The following SLC1A6 variants were observed in gnomAD, a reference collection of about 807,000 sequenced individuals.
SLC1A6 encodes the protein excitatory amino acid transporter 4.
In SLC1A6, 15 loss-of-function variants were observed where a neutral mutation model predicts 42.1. The observed-to-expected ratio is 0.36, with a 90% CI of 0.24 to 0.55. The LOEUF (loss-of-function observed/expected upper bound fraction) is 0.55. SLC1A6 is among the 20% of genes least tolerant of loss of function. SLC1A6 has a pLI of 0.88. For synonymous variants in SLC1A6, 317 were observed against 319.7 expected, an observed-to-expected ratio of 0.99 and a Z score of 0.09; for missense variants, 542 against 772.5, an observed-to-expected ratio of 0.70 and a Z score of 3.54.
intron 1 of SLC1A6, among the ~76,000 whole-genome samples, chr19:14,988,753 G>A (rs1224467970): frequency 4.6e-5 from 7 of 152,142 alleles, no homozygotes; most frequent in Non-Finnish European, 8.8e-5. Context: ...GGTGGCTCAC[G>A]CCTGTAATCC....
intron 4 of SLC1A6, among the ~76,000 whole-genome samples, chr19:14,966,951 G>A (rs929447743): frequency 8.6e-5 from 13 of 151,966 alleles, no homozygotes; most frequent in African/African-American, 1.2e-4. Flanking sequence ...CCTAGATGAC[G>A]GGTTGATAGG....
chr19:14,955,136 C>A (rs975685645), intron 7 of SLC1A6, among the ~76,000 whole-genome samples: 2 of 152,138 alleles, frequency 1.3e-5, no homozygotes, highest in East Asian at 3.8e-4. Flanking sequence ...TTACATCATA[C>A]GGTTGGAATC....
chr19:14,993,669 A>G (rs1275079546), intron 1 of SLC1A6, among the ~76,000 whole-genome samples: 1 of 152,204 alleles, frequency 6.6e-6, no homozygotes, highest in Non-Finnish European at 1.5e-5. Context: ...AGGCAGATGT[A>G]TTAAAGAAAG....
At chr19:14,990,731 T>G (rs2045815460) in intron 1 of SLC1A6, among the ~76,000 whole-genome samples, 1 of 150,302 alleles carries the variant, frequency 6.7e-6, no homozygotes, top group Non-Finnish European at 1.5e-5. Flanking sequence ...ATCATACCAC[T>G]GCACTCCAGC....
upstream of SLC1A6, among the ~76,000 whole-genome samples, chr19:14,983,544 C>T (rs1197506802): frequency 6.6e-6 from 1 of 151,590 alleles, no homozygotes; most frequent in Non-Finnish European, 1.5e-5. Context: ...TTAAAATGAG[C>T]CAGGTATGGG....
intron 3 of SLC1A6, 107 bp downstream of exon 3, chr19:14,971,630 G>C: frequency 9.1e-7 from 1 of 1,103,064 alleles, no homozygotes; most frequent in South Asian, 1.5e-5. Context: ...CATGTTTGAG[G>C]TGCCGCGTCA....
At chr19:15,006,059 C>T (rs2145245552) in intron 1 of SLC1A6, among the ~76,000 whole-genome samples, 1 of 152,356 alleles carries the variant, frequency 6.6e-6, no homozygotes. Context: ...GTGAAACCCT[C>T]TCTGGACCTC....
At chr19:15,010,408 G>A in intron 1 of SLC1A6, 1 of 444,816 alleles carries the variant, frequency 2.2e-6, no homozygotes, top group Non-Finnish European at 4.5e-6. Flanking sequence ...CCCTGAAGCT[G>A]AAAGAAGGGC....
At chr19:14,950,767 C>T (rs951679005) in intron 9 of SLC1A6, among the ~76,000 whole-genome samples, 4 of 151,780 alleles carry the variant, frequency 2.6e-5, no homozygotes, top group Non-Finnish European at 5.9e-5. Flanking sequence ...ATAGCAAGAC[C>T]CCGTCTCTAC....
In SLC1A6 at chr19:15,007,802, A is replaced by G. The variant is rs150387480; in HGVS notation, c.6+2683T>C. Among the ~76,000 whole-genome samples the G allele has an allele frequency of 4.9e-3, 742 of 152,194 alleles. 11 individuals carry two copies. Among genetic ancestry groups the G allele is most frequent in the African/African-American group, 0.017 (718 of 41,516 alleles). ...CACTTTGTGGGGGCGAGACGGGTGG[A>G]TCATCTGAGGTCAGGACTTTGAGAC... is the stretch of plus-strand genomic sequence containing the variant. On this transcript the variant is annotated intron_variant, in intron 1 of 8. Transcript: ENST00000430939.
intron 1 of SLC1A6, among the ~76,000 whole-genome samples, chr19:14,986,004 C>G (rs2045790754): frequency 6.6e-6 from 1 of 151,740 alleles, no homozygotes; most frequent in Admixed American, 6.6e-5. Context: ...ACTAATACAC[C>G]ATGTCAGAAT....
chr19:14,967,134 C>T (rs1460403627), intron 4 of SLC1A6, among the ~76,000 whole-genome samples: 1 of 152,168 alleles, frequency 6.6e-6, no homozygotes, highest in Non-Finnish European at 1.5e-5. Context: ...GCTGTTCTGA[C>T]CCCACCTTAA....
chr19:14,970,580 G>T (rs1050021402), intron 3 of SLC1A6, among the ~76,000 whole-genome samples: 28 of 151,782 alleles, frequency 1.8e-4, no homozygotes, highest in Admixed American at 1.6e-3. Context: ...GCATGGTGGC[G>T]GGTGCCTGTA....
Position 14,998,239 on chromosome 19 carries a change from A to C in SLC1A6, c.6+12246T>G, listed in dbSNP as rs1003296701. Among the ~76,000 whole-genome samples the C allele has an allele frequency of 2.6e-5, 4 of 152,070 alleles. No homozygotes were observed. The South Asian group carries it at 8.3e-4, about 32-fold the overall frequency. On this transcript the variant is annotated intron_variant, in intron 1 of 8. Transcript: ENST00000430939. ...AATTCAGGCATAGCTGGCCAGCATT[A>C]ACATTAAAACAGAGATCTTGGCCAG...
chr19:15,003,411 T>G (rs2045881395), intron 1 of SLC1A6, among the ~76,000 whole-genome samples: 1 of 152,104 alleles, frequency 6.6e-6, no homozygotes, highest in Admixed American at 6.6e-5. Context: ...TCTCCCAGCC[T>G]GGGGCTTCCC....
intron 6 of SLC1A6, chr19:14,961,761 G>C: frequency 2.0e-6 from 1 of 501,084 alleles, no homozygotes; most frequent in East Asian, 3.4e-5. Context: ...GAAAGAGTGA[G>C]ATATTCCATG....
rs975402788 is a variant in SLC1A6, at chr19:14,956,535, G to T, written c.1110C>A (p.Pro370=). The change falls in exon 7 of 10, where the codon CCC becomes CCA. Residue 370 remains proline (P), a synonymous_variant. Coordinates refer to ENST00000594383, the MANE Select transcript of SLC1A6 (RefSeq NM_005071.3). ...LIYFLVTHRN[P]FPFIGGMLQA... ...GTAGCATGCCCCCAATGAAGGGGAA[G>T]GGGTTCCGGTGAGTGACGAGGAAGT... 10 of 1,611,816 alleles carry T rather than the reference G, an allele frequency of 6.2e-6. No individual in the cohort carries two copies. In the East Asian group the frequency reaches 2.0e-4, roughly 32 times the overall value.
At chr19:14,986,609 A>G (rs201413119) in intron 1 of SLC1A6, among the ~76,000 whole-genome samples, 1 of 135,262 alleles carries the variant, frequency 7.4e-6, no homozygotes, top group Non-Finnish European at 1.6e-5. Context: ...TTTTTTTTTT[A>G]AGACAGGGTC....
At chr19:14,952,596 GT>G (rs2045423566) in intron 9 of SLC1A6, among the ~76,000 whole-genome samples, 1 of 151,826 alleles carries the variant, frequency 6.6e-6, no homozygotes, top group African/African-American at 2.4e-5. Context: ...AGCTAATTTT[GT>G]TTTTTGTTTG....
Sources: allele counts gnomAD v4.1 joint callset (sites outside exome capture counted in the v4.1 genomes callset), GRCh38; gene constraint gnomAD v4.1.1; transcripts MANE v1.5; gene names NCBI Gene and HGNC (gene_info 2026-07-23, HGNC 2026-07-21).